Variants in OTUB1 observed in about 807,000 individuals in gnomAD.
OTUB1 encodes the protein ubiquitin thioesterase OTUB1.
Under a neutral mutation model 35.8 loss-of-function variants are expected in OTUB1, and 10 were observed. The observed-to-expected ratio is 0.28, with a 90% CI of 0.17 to 0.47. The LOEUF (loss-of-function observed/expected upper bound fraction) is 0.47. Among genes scored for constraint, OTUB1 ranks in the 20% least tolerant of loss-of-function variants. The pLI is 0.99. For missense variants in OTUB1, 264 were observed against 351.6 expected, an observed-to-expected ratio of 0.75 and a Z score of 1.99; for synonymous variants, 158 against 143.8, an observed-to-expected ratio of 1.10 and a Z score of -0.71.
Position 63,996,860 on chromosome 11 carries a change from C to G in OTUB1, c.342C>G (p.Phe114Leu). 1 of 1,614,196 alleles carries G rather than the reference C, an allele frequency of 6.2e-7. No homozygotes were observed. Among genetic ancestry groups the G allele is most frequent in the South Asian group, 1.1e-5 (1 of 91,068 alleles). Residue 114 changes from phenylalanine (F) to leucine (L), a missense_variant, in exon 5 of 7, where the codon TTC becomes TTG. Physicochemically the swap from Phe to Leu is conservative, Grantham distance 22. Coordinates refer to ENST00000538426, the MANE Select transcript of OTUB1 (RefSeq NM_017670.3). Reference sequence around the variant, plus strand: ...CGCCTTTCCATCCCACCCCCAGGTTCAAGGCTGTGTCTGCCAAGAGCAAGG... The same window carrying G: ...CGCCTTTCCATCCCACCCCCAGGTTGAAGGCTGTGTCTGCCAAGAGCAAGG... ...LLDDSKELQR[F>L]KAVSAKSKED...
At chr11:63,990,597 A>ATAAT (rs1555002838) in intron 3 of OTUB1, 6 of 144,898 alleles carry the variant, frequency 4.1e-5, no homozygotes, top group Non-Finnish European at 6.0e-5. Context: ...AAAAAATAAA[A>ATAAT]AAATAAATAA....
chr11:63,995,369 TA>T (rs1202825337), intron 3 of OTUB1, among the ~76,000 whole-genome samples: 1 of 152,208 alleles, frequency 6.6e-6, no homozygotes, highest in Non-Finnish European at 1.5e-5. Context: ...GCTAATTTTA[TA>T]TTTTCAGTAG....
In OTUB1 at chr11:63,986,592, A is replaced by C. The variant is rs183947001; in HGVS notation, c.58+78A>C. 1,998 of 1,341,914 alleles carry C rather than the reference A, an allele frequency of 1.5e-3. 24 individuals carry two copies. The African/African-American group carries it at 0.026, about 17-fold the overall frequency. 83.1% of individuals were successfully genotyped at this position (1,341,914 alleles called of 1,614,324 possible). ...CCAGCTGCTCCCGAGGAGGGAGGGGAGGCAGGGCCGCTGGCTCTGGGGTCG... is the reference window on the plus strand; with the variant it reads ...CCAGCTGCTCCCGAGGAGGGAGGGGCGGCAGGGCCGCTGGCTCTGGGGTCG... On this transcript the variant is annotated intron_variant, in intron 1 of 6. Transcript: ENST00000538426.
chr11:63,988,920 T>C, intron 3 of OTUB1, 168 bp downstream of exon 3: 3 of 582,286 alleles, frequency 5.2e-6, no homozygotes, highest in Non-Finnish European at 9.2e-6. Context: ...AAAAACACAT[T>C]GATTCAATGC....
chr11:63,986,741 C>G (rs1942623824), intron 1 of OTUB1: 1 of 521,440 alleles, frequency 1.9e-6, no homozygotes, highest in African/African-American at 2.0e-5. Context: ...GCCCGCGGCC[C>G]TTCTCCATCG....
At chr11:63,993,657 GTC>G (rs1305895631) in intron 3 of OTUB1, among the ~76,000 whole-genome samples, 20 of 131,496 alleles carry the variant, frequency 1.5e-4, no homozygotes, top group Non-Finnish European at 2.9e-4. Context: ...GAGCGAGACT[GTC>G]TCAAAAAAAA....
chr11:63,993,059 G>C (rs890353037), intron 3 of OTUB1, among the ~76,000 whole-genome samples: 2 of 152,258 alleles, frequency 1.3e-5, no homozygotes, highest in African/African-American at 4.8e-5. Flanking sequence ...ACTGCCAGGA[G>C]ACTTGTGCAG....
chr11:63,993,237 C>T (rs561988449), intron 3 of OTUB1, among the ~76,000 whole-genome samples: 9 of 152,176 alleles, frequency 5.9e-5, no homozygotes, highest in African/African-American at 1.4e-4. Context: ...AGCAGTTGTT[C>T]GGAGGTTGAT....
chr11:63,990,308 C>T (rs1308145164), intron 3 of OTUB1: 1 of 151,952 alleles, frequency 6.6e-6, no homozygotes, highest in Non-Finnish European at 1.5e-5. Flanking sequence ...GGGAGGATGA[C>T]ATGTGAAATG....
chr11:63,988,990 G>T (rs1942645420), intron 3 of OTUB1: 3 of 412,814 alleles, frequency 7.3e-6, no homozygotes, highest in Admixed American at 4.2e-5. Context: ...CTCCAGCCTG[G>T]GTGATAAGAG....
At chr11:63,991,177 T>C (rs1942669328) in intron 3 of OTUB1, among the ~76,000 whole-genome samples, 1 of 150,196 alleles carries the variant, frequency 6.7e-6, no homozygotes, top group Non-Finnish European at 1.5e-5. Context: ...CCTGAAGCTC[T>C]TGGATCCCCT....
intron 3 of OTUB1, among the ~76,000 whole-genome samples, chr11:63,991,233 A>C (rs553754494): frequency 4.3e-4 from 65 of 152,168 alleles, no homozygotes; most frequent in Non-Finnish European, 4.9e-4. Flanking sequence ...GGCAATTGTG[A>C]GGGTTGAAGG....
Position 63,997,429 on chromosome 11 carries a change from G to A in OTUB1, c.699G>A (p.Val233=). 1 of 1,614,086 alleles carries A rather than the reference G, an allele frequency of 6.2e-7. No individual in the cohort carries two copies. Among genetic ancestry groups the A allele is most frequent in the South Asian group, 1.1e-5 (1 of 91,084 alleles). The change falls in exon 7 of 7, where the codon GTG becomes GTA. Residue 233 remains valine, a synonymous_variant. Coordinates refer to ENST00000538426, the MANE Select transcript of OTUB1 (RefSeq NM_017670.3). The part of the protein sequence containing the change: ...LAQALSVSIQ[V]EYMDRGEGGT... ...AGGCCCTCAGCGTGTCCATCCAGGT[G>A]GAGTACATGGACCGCGGCGAGGGCG...
chr11:63,996,007 C>CA (rs1942713304), intron 3 of OTUB1, among the ~76,000 whole-genome samples: 2 of 151,858 alleles, frequency 1.3e-5, no homozygotes, highest in Non-Finnish European at 2.9e-5. Context: ...AACTCTGTCT[C>CA]AAAAAAACAA....
intron 1 of OTUB1, 100 bp downstream of exon 1, chr11:63,986,614 G>A (rs1942622409): frequency 1.9e-6 from 2 of 1,052,298 alleles, no homozygotes; most frequent in Non-Finnish European, 2.7e-6. Context: ...TGGCTCTGGG[G>A]TCGAGGTGCG....
chr11:63,990,601 T>TAAAA (rs1213908511), intron 3 of OTUB1: 3 of 132,748 alleles, frequency 2.3e-5, no homozygotes, highest in African/African-American at 5.9e-5. Flanking sequence ...AATAAAAAAA[T>TAAAA]AAATAAATAA....
rs76530176 is a variant in OTUB1, at chr11:63,996,476, C to T, written c.220-54C>T. 80 of 1,584,506 alleles carry T rather than the reference C, an allele frequency of 5.0e-5. No homozygotes were observed. The East Asian group carries it at 1.8e-3, about 35-fold the overall frequency. ...CCTTTGCTGGGGGACATTTCCTTGGCCAGCCCCCGTTCTGGCCTGATGTTA... is the reference window on the plus strand; with the variant it reads ...CCTTTGCTGGGGGACATTTCCTTGGTCAGCCCCCGTTCTGGCCTGATGTTA... On this transcript the variant is annotated intron_variant, in intron 3 of 6. Coordinates refer to ENST00000538426, the MANE Select transcript of OTUB1 (RefSeq NM_017670.3).
chr11:63,987,860 G>A (rs1169726557), intron 1 of OTUB1, among the ~76,000 whole-genome samples: 1 of 152,188 alleles, frequency 6.6e-6, no homozygotes, highest in Non-Finnish European at 1.5e-5. Flanking sequence ...CTGCTGGGAA[G>A]TGATGTTAAC....
chr11:63,996,815 C>A, intron 4 of OTUB1, 42 bp from the exon 5 acceptor site: 1 of 1,613,216 alleles, frequency 6.2e-7, no homozygotes, highest in East Asian at 2.2e-5. Flanking sequence ...CTGGGCTGGT[C>A]GAGGAGCCCA....
Sources: gnomAD v4.1 joint callset for allele counts (sites outside exome capture counted in the v4.1 genomes callset) on GRCh38, gnomAD v4.1.1 for gene constraint, MANE v1.5 for transcripts, NCBI Gene and HGNC (gene_info 2026-07-23, HGNC 2026-07-21) for gene names.